OR10J1: variants seen among roughly 807,000 people sequenced by gnomAD.
The protein encoded by OR10J1 is olfactory receptor 10J1.
For synonymous variants in OR10J1, 202 were observed against 143.8 expected (o/e 1.40, Z -2.89); for missense variants, 474 against 376.6 (o/e 1.26, Z -2.14).
the OR10J1 span, among the ~76,000 whole-genome samples, chr1:159,407,821 G>A: frequency 6.6e-6 from 1 of 152,068 alleles, no homozygotes; most frequent in Admixed American, 6.6e-5. Context: ...GAATTCAATA[G>A]CTAGTACATT....
chr1:159,397,691 G>A, the OR10J1 span, among the ~76,000 whole-genome samples: 2 of 152,146 alleles, frequency 1.3e-5, no homozygotes, highest in Non-Finnish European at 2.9e-5. Context: ...GGAAGAGTGG[G>A]AAGAACTATG....
At chr1:159,415,097 G>T in the OR10J1 span, among the ~76,000 whole-genome samples, 1 of 151,686 alleles carries the variant, frequency 6.6e-6, no homozygotes, top group East Asian at 1.9e-4. Flanking sequence ...TTATCTGTTT[G>T]TTTTTATCTA....
chr1:159,410,387 G>A, the OR10J1 span, among the ~76,000 whole-genome samples: 3 of 152,096 alleles, frequency 2.0e-5, no homozygotes, highest in African/African-American at 7.2e-5. Flanking sequence ...CCTGTAATTG[G>A]TCTATTCAGA....
At chr1:159,405,672 C>T in the OR10J1 span, 1 of 528,164 alleles carries the variant, frequency 1.9e-6, no homozygotes, top group Non-Finnish European at 3.6e-6. Flanking sequence ...AGGCCTTCTT[C>T]CTACCCTCAG....
At chr1:159,428,811 C>A in the OR10J1 span, among the ~76,000 whole-genome samples, 3 of 152,188 alleles carry the variant, frequency 2.0e-5, no homozygotes, top group African/African-American at 7.2e-5. Flanking sequence ...CTCTTCCATG[C>A]TTGTCAGTCT....
chr1:159,422,706 C>T, the OR10J1 span, among the ~76,000 whole-genome samples: 1 of 152,178 alleles, frequency 6.6e-6, no homozygotes, highest in Non-Finnish European at 1.5e-5. Context: ...CATGAGCTCC[C>T]TCTAGAGCAG....
At chr1:159,434,049 G>A (rs900748110), upstream of OR10J1, among the ~76,000 whole-genome samples, 8 of 152,172 alleles carry the variant, frequency 5.3e-5, no homozygotes, top group South Asian at 4.2e-4. Context: ...TTTATTGAAT[G>A]TATCCTAGAT....
At chr1:159,436,597 G>A (rs1277304254), upstream of OR10J1, among the ~76,000 whole-genome samples, 1 of 150,204 alleles carries the variant, frequency 6.7e-6, no homozygotes, top group Non-Finnish European at 1.5e-5. Context: ...AGGGTATGGT[G>A]TTTTCTTTTT....
the OR10J1 span, among the ~76,000 whole-genome samples, chr1:159,427,033 G>A: frequency 6.6e-6 from 1 of 151,862 alleles, no homozygotes; most frequent in Middle Eastern, 3.2e-3. Flanking sequence ...TAGTTAGTGA[G>A]TGGCAGAGAG....
At chr1:159,404,455 G>A in the OR10J1 span, among the ~76,000 whole-genome samples, 3 of 152,182 alleles carry the variant, frequency 2.0e-5, no homozygotes, top group East Asian at 1.9e-4. Flanking sequence ...GCGCGACAGT[G>A]CCACATTTGT....
At chr1:159,427,411 C>T in the OR10J1 span, among the ~76,000 whole-genome samples, 28 of 151,496 alleles carry the variant, frequency 1.8e-4, no homozygotes, top group African/African-American at 6.8e-4. Context: ...CCCCTAACAG[C>T]CATGATCAAC....
chr1:159,425,586 A>G, the OR10J1 span, among the ~76,000 whole-genome samples: 2 of 152,124 alleles, frequency 1.3e-5, no homozygotes, highest in Non-Finnish European at 2.9e-5. Flanking sequence ...ATTACAAAAA[A>G]TTAGCAAGAA....
the OR10J1 span, among the ~76,000 whole-genome samples, chr1:159,402,915 A>G: frequency 1.3e-5 from 2 of 152,164 alleles, no homozygotes; most frequent in Admixed American, 1.3e-4. Flanking sequence ...AAACAAACAC[A>G]TAGACGAATT....
At chr1:159,429,241 C>T in the OR10J1 span, among the ~76,000 whole-genome samples, 7 of 152,294 alleles carry the variant, frequency 4.6e-5, no homozygotes, top group Non-Finnish European at 8.8e-5. Flanking sequence ...TGTAGTGTTC[C>T]CAGTTTCTGC....
the OR10J1 span, among the ~76,000 whole-genome samples, chr1:159,422,815 A>G: frequency 6.6e-6 from 1 of 152,096 alleles, no homozygotes; most frequent in Non-Finnish European, 1.5e-5. Context: ...GTCTTGGGTG[A>G]AAATGAGGAC....
At chr1:159,427,332 A>G in the OR10J1 span, among the ~76,000 whole-genome samples, 40 of 151,866 alleles carry the variant, frequency 2.6e-4, no homozygotes, top group African/African-American at 9.1e-4. Flanking sequence ...GCAAAAATAA[A>G]GAAAACTAAA....
At chr1:159,401,900 A>G in the OR10J1 span, among the ~76,000 whole-genome samples, 2 of 152,130 alleles carry the variant, frequency 1.3e-5, no homozygotes, top group Admixed American at 1.3e-4. Flanking sequence ...ATTTATCATG[A>G]CCAAGTGGGA....
At chr1:159,410,537 T>A in the OR10J1 span, among the ~76,000 whole-genome samples, 11 of 152,160 alleles carry the variant, frequency 7.2e-5, no homozygotes, top group African/African-American at 2.7e-4. Flanking sequence ...GTGGGATTGG[T>A]GGTGATATCC....
chr1:159,436,792 CT>C (rs1007066564), upstream of OR10J1, among the ~76,000 whole-genome samples: 23 of 152,112 alleles, frequency 1.5e-4, no homozygotes, highest in African/African-American at 5.6e-4. Flanking sequence ...TTCAAATACT[CT>C]TTTGTAATCT....
Sources: allele counts gnomAD v4.1 joint callset (sites outside exome capture counted in the v4.1 genomes callset), GRCh38; gene constraint gnomAD v4.1.1; transcripts MANE v1.5; gene names NCBI Gene and HGNC (gene_info 2026-07-23, HGNC 2026-07-21).